Variants in HS6ST3 observed in about 807,000 individuals in gnomAD.
HS6ST3 encodes heparan-sulfate 6-O-sulfotransferase 3.
A neutral mutation model predicts 36.7 loss-of-function variants in HS6ST3; 12 were observed. The observed-to-expected ratio is 0.33, with a 90% CI of 0.21 to 0.53. HS6ST3 has a LOEUF of 0.53. Among genes scored for constraint, HS6ST3 ranks in the 20% least tolerant of loss-of-function variants. The pLI, the probability that HS6ST3 is intolerant of heterozygous loss-of-function variation, is 0.95. For missense variants in HS6ST3, 584 were observed against 640.9 expected (o/e 0.91, Z 0.96); for synonymous variants, 240 against 257.5 (o/e 0.93, Z 0.65).
intron 1 of HS6ST3, among the ~76,000 whole-genome samples, chr13:96,498,328 C>T (rs2055987105): frequency 6.6e-6 from 1 of 152,186 alleles, no homozygotes; most frequent in African/African-American, 2.4e-5. Context: ...GATTGAGAGA[C>T]AGGAGGTGGA....
intron 1 of HS6ST3, among the ~76,000 whole-genome samples, chr13:96,228,804 A>G (rs1743697020): frequency 6.6e-6 from 1 of 152,192 alleles, no homozygotes; most frequent in South Asian, 2.1e-4. Flanking sequence ...GGATCAATGT[A>G]ATAAAACAGA....
At chr13:96,110,776 C>G (rs2053864709) in intron 1 of HS6ST3, among the ~76,000 whole-genome samples, 1 of 152,138 alleles carries the variant, frequency 6.6e-6, no homozygotes, top group Non-Finnish European at 1.5e-5. Context: ...CAAACTGTAT[C>G]AACCTTTTTG....
intron 1 of HS6ST3, among the ~76,000 whole-genome samples, chr13:96,765,319 T>G (rs112822439): frequency 2.7e-4 from 41 of 151,864 alleles, no homozygotes; most frequent in Middle Eastern, 3.4e-3. Flanking sequence ...TGATCTGCCC[T>G]CCTTGGCCTC....
At chr13:96,726,087 C>T (rs574004521) in intron 1 of HS6ST3, among the ~76,000 whole-genome samples, 2 of 152,160 alleles carry the variant, frequency 1.3e-5, no homozygotes, top group African/African-American at 2.4e-5. Flanking sequence ...CCACCCTCCT[C>T]GGCCTCCCAA....
At chr13:96,110,531 G>C (rs1366729083) in intron 1 of HS6ST3, among the ~76,000 whole-genome samples, 3 of 151,366 alleles carry the variant, frequency 2.0e-5, no homozygotes, top group African/African-American at 7.3e-5. Context: ...CCGCCTCCCA[G>C]GTTCACACCA....
intron 1 of HS6ST3, among the ~76,000 whole-genome samples, chr13:96,143,429 A>G (rs1197290553): frequency 2.0e-5 from 3 of 148,320 alleles, no homozygotes; most frequent in African/African-American, 4.9e-5. Context: ...TTAAGCAAAT[A>G]TATAAATATA....
At chr13:96,344,989 A>T (rs1244160223) in intron 1 of HS6ST3, among the ~76,000 whole-genome samples, 1 of 152,228 alleles carries the variant, frequency 6.6e-6, no homozygotes, top group Admixed American at 6.5e-5. Context: ...GTAATAGAGC[A>T]TGATCATATT....
chr13:96,721,683 A>G (rs967292522), intron 1 of HS6ST3, among the ~76,000 whole-genome samples: 4 of 152,200 alleles, frequency 2.6e-5, no homozygotes, highest in African/African-American at 9.6e-5. Flanking sequence ...CTAAACACAT[A>G]GGGCCAGATA....
At chr13:96,452,029 T>C (rs1411959644) in intron 1 of HS6ST3, among the ~76,000 whole-genome samples, 1 of 152,234 alleles carries the variant, frequency 6.6e-6, no homozygotes, top group East Asian at 1.9e-4. Context: ...ACCAAGGCTT[T>C]AGCTGGCACA....
intron 1 of HS6ST3, among the ~76,000 whole-genome samples, chr13:96,410,256 T>C (rs1008647620): frequency 2.0e-5 from 3 of 152,228 alleles, no homozygotes; most frequent in Middle Eastern, 3.4e-3. Context: ...CATGATATAA[T>C]GTTACACAAT....
At chr13:96,225,274 A>C (rs2054474649) in intron 1 of HS6ST3, among the ~76,000 whole-genome samples, 1 of 152,212 alleles carries the variant, frequency 6.6e-6, no homozygotes, top group African/African-American at 2.4e-5. Flanking sequence ...ATGCTATGCC[A>C]TTACTATAAG....
chr13:96,827,049 A>G (rs1878664054), intron 1 of HS6ST3, among the ~76,000 whole-genome samples: 1 of 152,190 alleles, frequency 6.6e-6, no homozygotes. Flanking sequence ...CACCATGGCA[A>G]ACAAAAAGCT....
intron 1 of HS6ST3, among the ~76,000 whole-genome samples, chr13:96,349,078 A>C (rs115609993): frequency 0.011 from 1,616 of 152,340 alleles, 25 homozygotes; most frequent in African/African-American, 0.037. Flanking sequence ...TATAAAGAGG[A>C]ATTTGTAAAC....
intron 1 of HS6ST3, among the ~76,000 whole-genome samples, chr13:96,109,616 T>C (rs761556654): frequency 6.6e-5 from 10 of 152,114 alleles, no homozygotes; most frequent in Non-Finnish European, 1.5e-4. Flanking sequence ...TGGAGAAGTG[T>C]TAGAGAAAGT....
chr13:96,284,863 C>T (rs570996696), intron 1 of HS6ST3, among the ~76,000 whole-genome samples: 11 of 151,908 alleles, frequency 7.2e-5, no homozygotes, highest in Admixed American at 2.0e-4. Flanking sequence ...TGTACATTGG[C>T]TATGCATATA....
At chr13:96,811,043 A>G (rs1315365004) in intron 1 of HS6ST3, among the ~76,000 whole-genome samples, 4 of 151,844 alleles carry the variant, frequency 2.6e-5, no homozygotes, top group African/African-American at 9.7e-5. Context: ...GTTTAGGACA[A>G]GTGATAAGGA....
chr13:96,622,437 C>A (rs2056498413), intron 1 of HS6ST3, among the ~76,000 whole-genome samples: 1 of 152,034 alleles, frequency 6.6e-6, no homozygotes, highest in Non-Finnish European at 1.5e-5. Context: ...CTTTCTCAGT[C>A]TGACTAATTT....
intron 1 of HS6ST3, among the ~76,000 whole-genome samples, chr13:96,529,762 C>T (rs925627771): frequency 6.6e-6 from 1 of 152,100 alleles, no homozygotes; most frequent in African/African-American, 2.4e-5. Flanking sequence ...TATTTATCTG[C>T]ATTTGTAATG....
chr13:96,561,668 G>A (rs1420237513), intron 1 of HS6ST3, among the ~76,000 whole-genome samples: 1 of 151,552 alleles, frequency 6.6e-6, no homozygotes, highest in African/African-American at 2.4e-5. Flanking sequence ...AAAACTATAA[G>A]GAATTTAAAC....
Sources: allele counts gnomAD v4.1 joint callset (sites outside exome capture counted in the v4.1 genomes callset), GRCh38; gene constraint gnomAD v4.1.1; transcripts MANE v1.5; gene names NCBI Gene and HGNC (gene_info 2026-07-23, HGNC 2026-07-21).